KLHL1: variants seen among roughly 807,000 people sequenced by gnomAD.
KLHL1 encodes kelch like family member 1.
In KLHL1, 47 loss-of-function variants were observed where a neutral mutation model predicts 77.7. The observed-to-expected ratio is 0.60, with a 90% CI of 0.48 to 0.77. The LOEUF is 0.77. KLHL1 is among the 30% of genes least tolerant of loss of function. The pLI is 0.00. For missense variants in KLHL1, 925 were observed against 910.8 expected (o/e 1.02, Z -0.20); for synonymous variants, 360 against 325.2 (o/e 1.11, Z -1.15).
chr13:69,789,511 T>C (rs929668408), intron 7 of KLHL1, among the ~76,000 whole-genome samples: 8 of 152,158 alleles, frequency 5.3e-5, no homozygotes, highest in Non-Finnish European at 1.5e-5. Context: ...TCACTTTTTG[T>C]ACAATTAAAA....
intron 1 of KLHL1, among the ~76,000 whole-genome samples, chr13:70,086,831 AT>A (rs1480680422): frequency 6.6e-6 from 1 of 151,928 alleles, no homozygotes; most frequent in Non-Finnish European, 1.5e-5. Flanking sequence ...AATAAATATC[AT>A]TTTGACTTCA....
chr13:69,842,483 C>G (rs570393320), intron 5 of KLHL1, among the ~76,000 whole-genome samples: 32 of 151,818 alleles, frequency 2.1e-4, no homozygotes, highest in African/African-American at 7.7e-4. Flanking sequence ...AAATCAAAAC[C>G]ATAATGAAAT....
chr13:70,042,238 C>G (rs569287491), intron 1 of KLHL1, among the ~76,000 whole-genome samples: 1 of 152,166 alleles, frequency 6.6e-6, no homozygotes, highest in Admixed American at 6.5e-5. Context: ...CCTAAATACC[C>G]TAACCAATCT....
At chr13:69,955,977 TA>T (rs1413126000) in intron 3 of KLHL1, among the ~76,000 whole-genome samples, 1 of 139,226 alleles carries the variant, frequency 7.2e-6, no homozygotes, top group East Asian at 2.0e-4. Context: ...ATATTTGATA[TA>T]TATTTATATA....
chr13:69,966,313 C>T (rs1270565541), intron 2 of KLHL1, among the ~76,000 whole-genome samples: 1 of 152,116 alleles, frequency 6.6e-6, no homozygotes, highest in African/African-American at 2.4e-5. Context: ...TCTGAAAATC[C>T]TAGGGCTCTT....
intron 5 of KLHL1, among the ~76,000 whole-genome samples, chr13:69,850,106 A>C (rs1879625878): frequency 6.6e-6 from 1 of 151,500 alleles, no homozygotes; most frequent in African/African-American, 2.4e-5. Context: ...GCTCATGGAC[A>C]TCACTGCAAG....
At chr13:70,052,890 T>C (rs1449372940) in intron 1 of KLHL1, among the ~76,000 whole-genome samples, 1 of 152,064 alleles carries the variant, frequency 6.6e-6, no homozygotes, top group Non-Finnish European at 1.5e-5. Flanking sequence ...TTTATTATTT[T>C]ATTCCTTACA....
chr13:69,734,544 A>G (rs1185221327), intron 8 of KLHL1, among the ~76,000 whole-genome samples: 2 of 152,198 alleles, frequency 1.3e-5, no homozygotes, highest in Admixed American at 1.3e-4. Flanking sequence ...AGAAAATAAG[A>G]AAGAAAATAA....
intron 5 of KLHL1, among the ~76,000 whole-genome samples, chr13:69,850,642 T>TA (rs1388156257): frequency 6.6e-6 from 1 of 151,710 alleles, no homozygotes; most frequent in Non-Finnish European, 1.5e-5. Flanking sequence ...CTTAAATTCT[T>TA]ATCTTTGATA....
intron 4 of KLHL1, among the ~76,000 whole-genome samples, chr13:69,915,539 T>C (rs1048728546): frequency 6.6e-6 from 1 of 152,174 alleles, no homozygotes; most frequent in Non-Finnish European, 1.5e-5. Context: ...CGGCTAGCCA[T>C]ATGTAGAAAG....
intron 6 of KLHL1, among the ~76,000 whole-genome samples, chr13:69,815,637 T>C (rs1478282753): frequency 6.6e-6 from 1 of 152,082 alleles, no homozygotes; most frequent in African/African-American, 2.4e-5. Context: ...ATGGGATCAT[T>C]AGAAGCCCAA....
intron 6 of KLHL1, among the ~76,000 whole-genome samples, chr13:69,802,242 C>T (rs1039453010): frequency 1.3e-5 from 2 of 151,976 alleles, no homozygotes; most frequent in African/African-American, 4.8e-5. Flanking sequence ...TATATGTGCC[C>T]CATTTTCTTT....
intron 5 of KLHL1, among the ~76,000 whole-genome samples, chr13:69,849,541 A>G (rs554820632): frequency 5.5e-4 from 83 of 151,336 alleles, no homozygotes; most frequent in Admixed American, 1.6e-3. Flanking sequence ...TGGGGCTTCT[A>G]TTAAAATATG....
intron 1 of KLHL1, among the ~76,000 whole-genome samples, chr13:69,986,744 T>C (rs1483929799): frequency 6.6e-6 from 1 of 151,962 alleles, no homozygotes; most frequent in Non-Finnish European, 1.5e-5. Flanking sequence ...AATTCTATAC[T>C]CTTAGAGATG....
intron 5 of KLHL1, among the ~76,000 whole-genome samples, chr13:69,841,429 T>G (rs1232503327): frequency 5.4e-5 from 8 of 148,942 alleles, no homozygotes; most frequent in Admixed American, 2.0e-4. Flanking sequence ...AACAATCTAG[T>G]TGAGAAAAAA....
At chr13:69,853,374 A>G (rs1260086285) in intron 5 of KLHL1, among the ~76,000 whole-genome samples, 1 of 151,890 alleles carries the variant, frequency 6.6e-6, no homozygotes, top group Non-Finnish European at 1.5e-5. Context: ...ATGAAGAAGG[A>G]TGTTGTTGCT....
rs769228911 is a variant in KLHL1 at position 69,740,413 on chromosome 13, C to T, written c.1783G>A (p.Val595Ile). 2.5e-6 allele frequency: 4 copies of T among 1,603,108 alleles called. No individual in the cohort carries two copies. The highest frequency in any genetic ancestry group is 2.7e-5 in the African/African-American group (2 of 74,796). Residue 595 changes from valine to isoleucine, a missense_variant, in exon 8 of 11, where the codon GTA becomes ATA. Val to Ile is a conservative substitution (Grantham distance 29, BLOSUM62 3). Coordinates refer to ENST00000377844, the MANE Select transcript of KLHL1 (RefSeq NM_020866.3). ...SMSIARSTVG[V>I]AALNGKLYSV... ...ACTTACTTGCCATTCAATGCTGCTA[C>T]ACCAACTGTGCTCCGAGCAATTGAC...
intron 6 of KLHL1, among the ~76,000 whole-genome samples, chr13:69,813,090 A>G (rs980269689): frequency 1.3e-5 from 2 of 151,980 alleles, no homozygotes; most frequent in Non-Finnish European, 2.9e-5. Context: ...TTCATCAATG[A>G]TAGACTGGAT....
At chr13:69,975,503 ACTT>A in intron 2 of KLHL1, 114 bp downstream of exon 2, 2 of 835,914 alleles carry the variant, frequency 2.4e-6, no homozygotes, top group African/African-American at 2.0e-5. Flanking sequence ...ACAACAAAAA[ACTT>A]AAAAAAATGT....
Sources: gnomAD v4.1 joint callset for allele counts (sites outside exome capture counted in the v4.1 genomes callset) on GRCh38, gnomAD v4.1.1 for gene constraint, MANE v1.5 for transcripts, NCBI Gene and HGNC (gene_info 2026-07-23, HGNC 2026-07-21) for gene names.